Variants in ANK3 observed in about 807,000 individuals in gnomAD.
ANK3 encodes the protein ankyrin 3.
ANK3 carries 57 observed loss-of-function variants against 370.9 expected under a neutral mutation model. The ratio of observed to expected loss-of-function variants is 0.15; its 90% CI spans 0.12 to 0.19. The LOEUF (loss-of-function observed/expected upper bound fraction) is 0.19, where lower values mean the gene tolerates loss of function less well. Ranked by LOEUF, ANK3 falls within the 10% of genes least tolerant of loss-of-function variation. The pLI is 1.00. For missense variants in ANK3, 4,439 were observed against 5,302.1 expected (o/e 0.84, Z 5.06); for synonymous variants, 1,929 against 1,946.3 (o/e 0.99, Z 0.23).
At chr10:60,396,905 A>T (rs115745138) in intron 2 of ANK3, among the ~76,000 whole-genome samples, 1,538 of 152,326 alleles carry the variant, frequency 0.01, 20 homozygotes, top group African/African-American at 0.035. Context: ...TGATGCTGAA[A>T]TACAATTACA....
chr10:60,611,473 A>G (rs2078201238), intron 2 of ANK3, among the ~76,000 whole-genome samples: 1 of 152,116 alleles, frequency 6.6e-6, no homozygotes, highest in Non-Finnish European at 1.5e-5. Context: ...CTGAGTGTAG[A>G]ATGAAAACAA....
At chr10:60,659,538 G>T (rs2078909634) in intron 1 of ANK3, among the ~76,000 whole-genome samples, 1 of 152,106 alleles carries the variant, frequency 6.6e-6, no homozygotes, top group Admixed American at 6.6e-5. Context: ...GTAGTCGGCA[G>T]TTGTACAACT....
chr10:60,079,510 C>T (rs762074114), intron 36 of ANK3, among the ~76,000 whole-genome samples: 1 of 152,126 alleles, frequency 6.6e-6, no homozygotes, highest in Non-Finnish European at 1.5e-5. Flanking sequence ...CCCATAAAAA[C>T]AAGACTTCAG....
intron 41 of ANK3, 93 bp from the exon 42 acceptor site, chr10:60,056,129 T>C (rs2079111838): frequency 7.1e-7 from 1 of 1,414,644 alleles, no homozygotes; most frequent in Admixed American, 2.4e-5. Context: ...GTCTTTTGCC[T>C]ACTTCTGAAG....
chr10:60,335,051 T>C (rs2052467889), intron 1 of ANK3, among the ~76,000 whole-genome samples: 1 of 152,138 alleles, frequency 6.6e-6, no homozygotes, highest in Non-Finnish European at 1.5e-5. Context: ...GGTCCTCTAT[T>C]TCAACTTACA....
intron 1 of ANK3, among the ~76,000 whole-genome samples, chr10:60,693,999 G>GA (rs1351023940): frequency 1.3e-5 from 2 of 151,864 alleles, no homozygotes; most frequent in Non-Finnish European, 2.9e-5. Context: ...TGAAAACTTT[G>GA]AAAAAAATTT....
At chr10:60,277,922 T>C (rs2098113987) in intron 4 of ANK3, among the ~76,000 whole-genome samples, 1 of 152,220 alleles carries the variant, frequency 6.6e-6, no homozygotes, top group African/African-American at 2.4e-5. Context: ...GTGAATATTT[T>C]TGAATTATGA....
intron 4 of ANK3, among the ~76,000 whole-genome samples, chr10:60,271,501 G>A (rs1000168805): frequency 3.3e-5 from 5 of 152,000 alleles, no homozygotes; most frequent in East Asian, 1.9e-4. Context: ...CCACTGCACC[G>A]AGCCAGTAAA....
chr10:60,178,832 G>A (rs2096056504), intron 18 of ANK3, among the ~76,000 whole-genome samples: 1 of 152,038 alleles, frequency 6.6e-6, no homozygotes, highest in Admixed American at 6.6e-5. Flanking sequence ...CAAAAGCAGT[G>A]GCTTCATCTC....
chr10:60,063,397 A>G, intron 39 of ANK3, 143 bp from the exon 40 acceptor site: 1 of 751,414 alleles, frequency 1.3e-6, no homozygotes, highest in Non-Finnish European at 2.0e-6. Context: ...CCCTATCCAG[A>G]GGACTCAGAA....
rs183057350 is a variant in ANK3 at position 60,087,427 on chromosome 10, C to T, written c.3541-543G>A. Among the ~76,000 whole-genome samples, 5 of 152,288 alleles carry T rather than the reference C, an allele frequency of 3.3e-5. No individual in the cohort carries two copies. The East Asian group carries it at 7.7e-4, about 24-fold the overall frequency. ...GGAGGCAGGTGAAGGGAGCTTCATA[C>T]CCCTGAAATGTAAGGTGGTCTCGTT... On this transcript the variant is annotated intron_variant, in intron 29 of 43. Coordinates refer to ENST00000280772, the MANE Select transcript of ANK3 (RefSeq NM_020987.5).
At chr10:60,730,644 C>T (rs569788697) in intron 1 of ANK3, among the ~76,000 whole-genome samples, 3 of 152,222 alleles carry the variant, frequency 2.0e-5, no homozygotes, top group South Asian at 4.2e-4. Flanking sequence ...AATTAAATGG[C>T]CCTATTGTTC....
chr10:60,301,111 T>C (rs2043605373), intron 1 of ANK3, among the ~76,000 whole-genome samples: 2 of 147,454 alleles, frequency 1.4e-5, no homozygotes, highest in Admixed American at 6.8e-5. Context: ...AAACAACTCA[T>C]TGAATACTTC....
At chr10:60,128,375 ATTT>A (rs1157787635) in intron 25 of ANK3, among the ~76,000 whole-genome samples, 2 of 114,344 alleles carry the variant, frequency 1.7e-5, no homozygotes, top group Admixed American at 8.9e-5. Context: ...CAGTTTCTTC[ATTT>A]TTTTTCTTTT....
rs188476694 is a variant in ANK3 at position 60,493,059 on chromosome 10, G to A, written c.96+122127C>T. Among the ~76,000 whole-genome samples the A allele has an allele frequency of 7.2e-5, 10 of 139,028 alleles. No individual in the cohort carries two copies. In the East Asian group the frequency reaches 8.8e-4, roughly 12 times the overall value. 91.2% of individuals were successfully genotyped at this position (139,028 alleles called of 152,430 possible). The stretch of plus-strand genomic sequence containing the variant: ...TGTGTCACTGCACTCCAGCCTGGGC[G>A]ACAGAGCGAGACTCCTTCTCAAAAA... On this transcript the variant is annotated intron_variant, in intron 2 of 43. Coordinates refer to the ANK3 transcript ENST00000373827.
intron 2 of ANK3, among the ~76,000 whole-genome samples, chr10:60,486,037 C>T (rs1467761733): frequency 6.6e-6 from 1 of 152,062 alleles, no homozygotes; most frequent in Non-Finnish European, 1.5e-5. Context: ...AAAAACTTCC[C>T]TCAAAAAGAA....
At chr10:60,424,270 C>A (rs1405089797) in intron 2 of ANK3, among the ~76,000 whole-genome samples, 1 of 151,962 alleles carries the variant, frequency 6.6e-6, no homozygotes, top group Non-Finnish European at 1.5e-5. Flanking sequence ...ATAAATCATA[C>A]CATCACTCTC....
intron 2 of ANK3, among the ~76,000 whole-genome samples, chr10:60,571,687 C>T (rs1345751579): frequency 1.3e-5 from 2 of 152,076 alleles, no homozygotes; most frequent in African/African-American, 4.8e-5. Flanking sequence ...ACCCTAAAAC[C>T]AAGACAATTT....
At chr10:60,412,186 CG>C (rs2063573573) in intron 2 of ANK3, among the ~76,000 whole-genome samples, 1 of 151,920 alleles carries the variant, frequency 6.6e-6, no homozygotes, top group Non-Finnish European at 1.5e-5. Context: ...GCAGGGTGCT[CG>C]GGGTGCATTA....
Sources: allele counts gnomAD v4.1 joint callset (sites outside exome capture counted in the v4.1 genomes callset), GRCh38; gene constraint gnomAD v4.1.1; transcripts MANE v1.5; gene names NCBI Gene and HGNC (gene_info 2026-07-23, HGNC 2026-07-21).